Variants in BAALC observed in about 807,000 individuals in gnomAD.
BAALC encodes BAALC binder of MAP3K1 and KLF4, also known as brain and acute leukemia cytoplasmic protein.
BAALC carries 9 observed loss-of-function variants against 15.5 expected under a neutral mutation model. That is an observed-to-expected ratio of 0.58 (90% CI 0.35 to 1.02). The LOEUF is 1.02. BAALC is among the 50% of genes least tolerant of loss of function. The probability of loss-of-function intolerance (pLI) is 0.02; values close to 1 mark genes in which losing one functional copy is unlikely to be tolerated. For missense variants in BAALC, 201 were observed against 192.4 expected (o/e 1.04, Z -0.27); for synonymous variants, 80 against 74.6 (o/e 1.07, Z -0.37).
rs768148460 is a variant in BAALC, at chr8:103,200,780, C to T, written c.161-12139C>T. 9 of 680,046 alleles carry T rather than the reference C, an allele frequency of 1.3e-5. No homozygotes were observed. The Admixed American group carries it at 1.8e-4, about 14-fold the overall frequency. The allele number at this position is 680,046 out of a possible 1,614,324, so 42.1% of individuals were successfully genotyped here. A position where few individuals can be genotyped will look rare whatever the true frequency, so the allele number is the denominator to read the frequency against. On this transcript the variant is annotated intron_variant, in intron 1 of 2. Coordinates refer to ENST00000309982, the MANE Select transcript of BAALC (RefSeq NM_024812.3). Reference sequence around the variant, plus strand: ...CTCACATGGTGGGTCAATGAGCTCCCTTCAACCTCTTTTATAAGGGCACCA... The same window carrying T: ...CTCACATGGTGGGTCAATGAGCTCCTTTCAACCTCTTTTATAAGGGCACCA...
intron 1 of BAALC, chr8:103,153,415 A>G (rs911366280): frequency 3.3e-5 from 5 of 152,264 alleles, no homozygotes; most frequent in African/African-American, 1.2e-4. Flanking sequence ...TAATATTTTC[A>G]TGTTTCAAGT....
intron 1 of BAALC, among the ~76,000 whole-genome samples, chr8:103,143,607 C>T (rs1417016441): frequency 1.3e-5 from 2 of 152,182 alleles, no homozygotes; most frequent in Non-Finnish European, 1.5e-5. Context: ...ACTCCTTCAA[C>T]CACTCACAGA....
chr8:103,196,885 G>A (rs1812110178), intron 1 of BAALC, among the ~76,000 whole-genome samples: 1 of 152,198 alleles, frequency 6.6e-6, no homozygotes, highest in South Asian at 2.1e-4. Flanking sequence ...TCTTTAGTGG[G>A]TGACCCAGAG....
chr8:103,140,733 GGCGGCGGGCACCGCAGGAGCTCCGC>G lies in BAALC; in HGVS notation c.-159_-135del, dbSNP rs1368412091. The G allele has an allele frequency of 2.8e-5, 11 of 396,432 alleles. No homozygotes were observed. The highest frequency in any genetic ancestry group is 4.2e-5 in the Non-Finnish European group (11 of 264,876). The allele number at this position is 396,432 out of a possible 1,614,324, so 24.6% of individuals were successfully genotyped here. On this transcript the variant is annotated 5_prime_UTR_variant, in exon 1 of 3. Transcript: ENST00000309982. The surrounding 1 kb of genome is among the most constrained non-coding windows in gnomAD (Gnocchi z 4.2). Reference sequence around the variant, plus strand: ...GGGCTGGGAGAGGGCCCGGACTAGGGGCGGCGGGCACCGCAGGAGCTCCGCGCGGCTGCAGCGCGGGCGGGAGCGG... The same window carrying G: ...GGGCTGGGAGAGGGCCCGGACTAGGGGCGGCTGCAGCGCGGGCGGGAGCGG...
chr8:103,218,489 C>T (rs1043913446), intron 2 of BAALC, among the ~76,000 whole-genome samples: 8 of 152,142 alleles, frequency 5.3e-5, no homozygotes, highest in African/African-American at 4.8e-5. Context: ...TGTTCAGGAA[C>T]TTTGGGCTGC....
chr8:103,176,754 C>G (rs116719130), intron 1 of BAALC, among the ~76,000 whole-genome samples: 2,228 of 152,288 alleles, frequency 0.015, 54 homozygotes, highest in African/African-American at 0.051. Context: ...TCCTCTCAGG[C>G]TTGGTTGGCT....
intron 1 of BAALC, among the ~76,000 whole-genome samples, chr8:103,153,920 G>A (rs750009978): frequency 1.1e-4 from 17 of 152,150 alleles, no homozygotes; most frequent in East Asian, 1.9e-4. Flanking sequence ...GCATGGCAGC[G>A]GTTACAATGG....
At chr8:103,197,051 C>T (rs1184566192) in intron 1 of BAALC, among the ~76,000 whole-genome samples, 1 of 152,200 alleles carries the variant, frequency 6.6e-6, no homozygotes, top group Non-Finnish European at 1.5e-5. Context: ...ATATGCTTCA[C>T]CCTAGAGGAG....
rs767957921 is a variant in BAALC at position 103,230,165 on chromosome 8, A to G, written c.*2066A>G. On this transcript the variant is annotated 3_prime_UTR_variant, in exon 3 of 3. Coordinates refer to ENST00000309982, the MANE Select transcript of BAALC (RefSeq NM_024812.3). Reference sequence around the variant, plus strand: ...TCTGGATTTCACGGAGACAGCAACCAGAAGTTAAACCATGTGACTAAAAAT... The same window carrying G: ...TCTGGATTTCACGGAGACAGCAACCGGAAGTTAAACCATGTGACTAAAAAT... 1.3e-5 allele frequency: 2 copies of G among 152,094 alleles called. No homozygotes were observed. Among genetic ancestry groups the G allele is most frequent in the Non-Finnish European group, 2.9e-5 (2 of 68,032 alleles). 9.4% of individuals were successfully genotyped at this position (152,094 alleles called of 1,614,324 possible).
At chr8:103,203,238 T>C (rs1157213) in intron 1 of BAALC, among the ~76,000 whole-genome samples, 86,663 of 152,048 alleles carry the variant, frequency 0.57, 24,867 homozygotes, top group Middle Eastern at 0.63. Flanking sequence ...CAGTGGTCTT[T>C]CAATATCTTC....
At chr8:103,152,207 GC>G (rs1222749690) in intron 1 of BAALC, among the ~76,000 whole-genome samples, 2 of 152,212 alleles carry the variant, frequency 1.3e-5, no homozygotes, top group East Asian at 3.9e-4. Flanking sequence ...GCCTCCAGGG[GC>G]CTGCATGACG....
intron 1 of BAALC, among the ~76,000 whole-genome samples, chr8:103,166,965 C>A (rs1811363955): frequency 6.6e-6 from 1 of 152,136 alleles, no homozygotes; most frequent in Non-Finnish European, 1.5e-5. Flanking sequence ...GTTTGTAACA[C>A]AAATGGGGAA....
intron 1 of BAALC, chr8:103,200,810 C>T (rs1393952946): frequency 9.3e-6 from 6 of 643,990 alleles, no homozygotes; most frequent in African/African-American, 5.3e-5. Flanking sequence ...GCACCAATAT[C>T]GTTCATGAAG....
chr8:103,203,315 A>G (rs998397426), intron 1 of BAALC, among the ~76,000 whole-genome samples: 1 of 152,202 alleles, frequency 6.6e-6, no homozygotes, highest in Non-Finnish European at 1.5e-5. Flanking sequence ...TGAGTCCACT[A>G]GTCAGTTTCT....
intron 1 of BAALC, among the ~76,000 whole-genome samples, chr8:103,187,139 C>T (rs932632483): frequency 6.6e-6 from 1 of 152,124 alleles, no homozygotes; most frequent in African/African-American, 2.4e-5. Context: ...TCCTCCCATC[C>T]CATACACACA....
At chr8:103,199,528 A>T (rs1318595428) in intron 1 of BAALC, among the ~76,000 whole-genome samples, 2 of 132,504 alleles carry the variant, frequency 1.5e-5, no homozygotes, top group East Asian at 3.9e-4. Flanking sequence ...ATACTAGATA[A>T]TTGATTGATT....
At chr8:103,200,997 A>G (rs541542747) in intron 1 of BAALC, among the ~76,000 whole-genome samples, 1 of 152,144 alleles carries the variant, frequency 6.6e-6, no homozygotes. Flanking sequence ...TAAGAAAAAG[A>G]GTCTAAAGTG....
At chr8:103,190,747 C>T (rs1043666902) in intron 1 of BAALC, among the ~76,000 whole-genome samples, 1 of 152,124 alleles carries the variant, frequency 6.6e-6, no homozygotes, top group African/African-American at 2.4e-5. Flanking sequence ...CAACTCCTGC[C>T]CTAGATCTGA....
chr8:103,213,303 T>G, intron 2 of BAALC: 1 of 522,654 alleles, frequency 1.9e-6, no homozygotes, highest in Non-Finnish European at 3.4e-6. Context: ...GTATGTTTGC[T>G]TAAGTACAGC....
Sources: allele counts gnomAD v4.1 joint callset (sites outside exome capture counted in the v4.1 genomes callset), GRCh38; gene constraint gnomAD v4.1.1; non-coding constraint Gnocchi (gnomAD v3.1); transcripts MANE v1.5; gene names NCBI Gene and HGNC (gene_info 2026-07-23, HGNC 2026-07-21).